TTLL11: variants seen among roughly 807,000 people sequenced by gnomAD.
The protein encoded by TTLL11 is tubulin tyrosine ligase like 11.
TTLL11 carries 42 observed loss-of-function variants against 51.7 expected under a neutral mutation model. That is an observed-to-expected ratio of 0.81 (90% CI 0.64 to 1.05). The LOEUF is 1.05. TTLL11 is among the 50% of genes least tolerant of loss of function. The probability of loss-of-function intolerance (pLI) is 0.00; values close to 1 mark genes in which losing one functional copy is unlikely to be tolerated. For synonymous variants in TTLL11, 381 were observed against 383.5 expected, an observed-to-expected ratio of 0.99 and a Z score of 0.08; for missense variants, 799 against 940.4, an observed-to-expected ratio of 0.85 and a Z score of 1.97.
At chr9:121,934,537 C>T (rs1841122095) in intron 6 of TTLL11, among the ~76,000 whole-genome samples, 1 of 152,164 alleles carries the variant, frequency 6.6e-6, no homozygotes, top group Admixed American at 6.5e-5. Context: ...ATAATTGGTG[C>T]AAATGTTGTT....
rs1186972586 is a variant in TTLL11, at chr9:121,967,306, C to A, written c.1481+6703G>T. 1.3e-4 allele frequency among the ~76,000 whole-genome samples: 19 copies of A among 148,402 alleles called. 1 individual carries two copies. On this transcript the variant is annotated intron_variant, in intron 6 of 8. Coordinates refer to ENST00000321582, the MANE Select transcript of TTLL11 (RefSeq NM_001139442.2). ...GTGGCTCCATCTTGGCTCATTGCAA[C>A]CTCCGCCTCCCGGGTTCAAGCGATT... is the stretch of plus-strand genomic sequence containing the variant.
intron 6 of TTLL11, among the ~76,000 whole-genome samples, chr9:121,915,987 A>G (rs1840307453): frequency 1.3e-5 from 1 of 74,230 alleles, no homozygotes; most frequent in South Asian, 5.3e-4. Flanking sequence ...AAAGACACAC[A>G]CATACACACA....
At chr9:122,016,291 C>T (rs1288702594) in intron 3 of TTLL11, among the ~76,000 whole-genome samples, 1 of 151,928 alleles carries the variant, frequency 6.6e-6, no homozygotes, top group Non-Finnish European at 1.5e-5. Context: ...ATGGAAGGAC[C>T]CAGGAGGAAG....
chr9:121,925,438 C>A (rs1840693985), intron 6 of TTLL11, among the ~76,000 whole-genome samples: 1 of 151,696 alleles, frequency 6.6e-6, no homozygotes, highest in Admixed American at 6.6e-5. Context: ...GCCCACCCCA[C>A]CCCGGGACCA....
At position 121,821,215 on chromosome 9, in the gene TTLL11, A is replaced by G. The variant is rs1214019676; in HGVS notation, c.*1372T>C. ...ACTGCTCTTATCAGTTTGGGTCAGG[A>G]GTCAGGGACAGGATGTTGGAAGGAA... On this transcript the variant is annotated 3_prime_UTR_variant, in exon 9 of 9. Transcript: ENST00000321582. This position sits in a 1 kb window ranked among gnomAD's most constrained non-coding sequence, Gnocchi z 5.0. 6.6e-6 allele frequency among the ~76,000 whole-genome samples: 1 copy of G among 152,114 alleles called. No individual in the cohort carries two copies. Among genetic ancestry groups the G allele is most frequent in the African/African-American group, 2.4e-5 (1 of 41,422 alleles).
At chr9:121,986,400 G>C (rs1251639004) in intron 4 of TTLL11, among the ~76,000 whole-genome samples, 2 of 152,190 alleles carry the variant, frequency 1.3e-5, no homozygotes, top group African/African-American at 4.8e-5. Context: ...TGACCACATG[G>C]TCCCCCGGGA....
chr9:122,073,507 G>A (rs1284033482), intron 1 of TTLL11, among the ~76,000 whole-genome samples: 1 of 152,194 alleles, frequency 6.6e-6, no homozygotes, highest in Non-Finnish European at 1.5e-5. Context: ...GATGGGGTCT[G>A]AAGGAGCACA....
intron 6 of TTLL11, among the ~76,000 whole-genome samples, chr9:121,911,241 C>T (rs1015348314): frequency 2.0e-5 from 3 of 152,012 alleles, no homozygotes; most frequent in Non-Finnish European, 4.4e-5. Context: ...ACTGAAAATA[C>T]AAAAAATTAG....
intron 4 of TTLL11, among the ~76,000 whole-genome samples, chr9:121,978,924 G>A (rs1403547083): frequency 6.6e-6 from 1 of 152,064 alleles, no homozygotes; most frequent in Admixed American, 6.6e-5. Flanking sequence ...TTCTAAGATG[G>A]TCCCAATGAT....
Position 121,821,411 on chromosome 9 carries a change from C to T in TTLL11, c.*1176G>A, listed in dbSNP as rs1836574658. On this transcript the variant is annotated 3_prime_UTR_variant, in exon 9 of 9. Transcript: ENST00000321582. This position sits in a 1 kb window ranked among gnomAD's most constrained non-coding sequence, Gnocchi z 5.0. The stretch of plus-strand genomic sequence containing the variant: ...CTTGGAGCACGATGACTGACTCTTC[C>T]CAGGTTCCTCAGCATCCTTTAAAGG... Among the ~76,000 whole-genome samples, 1 of 152,134 alleles carries T rather than the reference C, an allele frequency of 6.6e-6. No individual in the cohort carries two copies. Among genetic ancestry groups the T allele is most frequent in the Non-Finnish European group, 1.5e-5 (1 of 68,024 alleles).
intron 8 of TTLL11, among the ~76,000 whole-genome samples, chr9:121,856,646 G>A (rs2131375103): frequency 6.6e-6 from 1 of 152,258 alleles, no homozygotes; most frequent in Admixed American, 6.5e-5. Flanking sequence ...TTAGTTGAAT[G>A]GATGAATGAA....
chr9:121,820,252 GAA>G lies in TTLL11; in HGVS notation c.*2333_*2334del, dbSNP rs1836537794. Among the ~76,000 whole-genome samples the G allele has an allele frequency of 6.6e-6, 1 of 152,236 alleles. No individual in the cohort carries two copies. Among genetic ancestry groups the G allele is most frequent in the African/African-American group, 2.4e-5 (1 of 41,468 alleles). ...AATGTGCTTGGTTGGTTTTAGACCT[GAA>G]CATTGCGCTCCACTTTGGCAAGCGA... On this transcript the variant is annotated 3_prime_UTR_variant, in exon 9 of 9. Transcript: ENST00000321582.
At chr9:121,905,439 T>C (rs1400015558) in intron 6 of TTLL11, among the ~76,000 whole-genome samples, 1 of 151,434 alleles carries the variant, frequency 6.6e-6, no homozygotes, top group Non-Finnish European at 1.5e-5. Context: ...GCAACCTCCA[T>C]CTCCAGGGTT....
intron 3 of TTLL11, among the ~76,000 whole-genome samples, chr9:122,007,628 G>GGCGTGCACACTAACAA (rs1843694505): frequency 6.6e-6 from 1 of 152,096 alleles, no homozygotes; most frequent in Non-Finnish European, 1.5e-5. Flanking sequence ...CACACTAACA[G>GGCGTGCACACTAACAA]GCATGCACAC....
At chr9:121,959,093 T>C (rs913791194) in intron 6 of TTLL11, among the ~76,000 whole-genome samples, 5 of 152,166 alleles carry the variant, frequency 3.3e-5, no homozygotes, top group African/African-American at 4.8e-5. Flanking sequence ...GAAGACAGGA[T>C]GTTTCTGTGC....
intron 1 of TTLL11, among the ~76,000 whole-genome samples, chr9:122,050,907 G>A (rs1845139799): frequency 6.6e-6 from 1 of 152,080 alleles, no homozygotes; most frequent in Admixed American, 6.5e-5. Context: ...GTAGCCTCAT[G>A]AAAAAGCCTA....
chr9:121,944,778 T>C (rs1455544073), intron 6 of TTLL11, among the ~76,000 whole-genome samples: 1 of 152,136 alleles, frequency 6.6e-6, no homozygotes, highest in East Asian at 1.9e-4. Flanking sequence ...ACTGGCTATG[T>C]GACTTTAGGC....
At chr9:121,988,797 G>A (rs759871016) in intron 4 of TTLL11, 3 of 263,374 alleles carry the variant, frequency 1.1e-5, no homozygotes, top group Non-Finnish European at 2.2e-5. Context: ...GCCCTGACTT[G>A]CTGTCTCAAT....
intron 8 of TTLL11, among the ~76,000 whole-genome samples, chr9:121,857,729 C>T (rs866228117): frequency 6.6e-6 from 1 of 152,164 alleles, no homozygotes; most frequent in African/African-American, 2.4e-5. Context: ...GAGACCCTGG[C>T]AGACCCCAGA....
Sources: gnomAD v4.1 joint callset for allele counts (sites outside exome capture counted in the v4.1 genomes callset) on GRCh38, gnomAD v4.1.1 for gene constraint, Gnocchi (gnomAD v3.1) non-coding constraint, MANE v1.5 for transcripts, NCBI Gene and HGNC (gene_info 2026-07-23, HGNC 2026-07-21) for gene names.